The following TMEM132D variants were observed in gnomAD, a reference collection of about 807,000 sequenced individuals.
The protein encoded by TMEM132D is transmembrane protein 132D, also known as mature OL transmembrane protein.
A neutral mutation model predicts 62.3 loss-of-function variants in TMEM132D; 21 were observed. That is an observed-to-expected ratio of 0.34 (90% CI 0.24 to 0.49). The LOEUF is 0.49. Ranked by LOEUF, TMEM132D falls within the 20% of genes least tolerant of loss-of-function variation. The pLI is 0.99. For synonymous variants in TMEM132D, 621 were observed against 575.6 expected, an observed-to-expected ratio of 1.08 and a Z score of -1.13; for missense variants, 1,346 against 1,402.8, an observed-to-expected ratio of 0.96 and a Z score of 0.65.
intron 1 of TMEM132D, among the ~76,000 whole-genome samples, chr12:129,875,758 G>A (rs574616185): frequency 4.6e-5 from 7 of 152,146 alleles, no homozygotes; most frequent in East Asian, 3.9e-4. Flanking sequence ...GCCCAGCCAG[G>A]GCTTCCGATT....
intron 4 of TMEM132D, among the ~76,000 whole-genome samples, chr12:129,304,749 C>T (rs112913844): frequency 0.012 from 1,797 of 150,766 alleles, 39 homozygotes; most frequent in African/African-American, 0.042. Flanking sequence ...CTGAAATCTC[C>T]GCTTCCCAGG....
At chr12:129,573,729 T>C (rs1008376018) in intron 2 of TMEM132D, among the ~76,000 whole-genome samples, 1 of 151,940 alleles carries the variant, frequency 6.6e-6, no homozygotes, top group African/African-American at 2.4e-5. Context: ...TAAACGTTGA[T>C]GGCAAGGGCA....
At chr12:129,764,501 C>T (rs995452617) in intron 1 of TMEM132D, among the ~76,000 whole-genome samples, 3 of 152,086 alleles carry the variant, frequency 2.0e-5, no homozygotes, top group Non-Finnish European at 4.4e-5. Flanking sequence ...TTAGTAACAA[C>T]CAGTTTCTGA....
At chr12:129,160,545 C>T (rs1006397603) in intron 5 of TMEM132D, among the ~76,000 whole-genome samples, 4 of 152,192 alleles carry the variant, frequency 2.6e-5, no homozygotes, top group African/African-American at 9.7e-5. Context: ...ATGAAGGAAG[C>T]CAGAGACAAG....
chr12:129,783,596 C>T (rs375330095), intron 1 of TMEM132D, among the ~76,000 whole-genome samples: 4 of 152,104 alleles, frequency 2.6e-5, no homozygotes, highest in Admixed American at 6.5e-5. Flanking sequence ...AGACAAATGC[C>T]GCTGGGAAAA....
intron 4 of TMEM132D, among the ~76,000 whole-genome samples, chr12:129,293,360 T>C (rs949348961): frequency 2.6e-5 from 4 of 152,116 alleles, no homozygotes; most frequent in Non-Finnish European, 5.9e-5. Flanking sequence ...CAGTCAGATA[T>C]TTCCATCCCC....
At chr12:129,244,202 G>T (rs1287393973) in intron 4 of TMEM132D, among the ~76,000 whole-genome samples, 2 of 149,006 alleles carry the variant, frequency 1.3e-5, no homozygotes, top group African/African-American at 2.5e-5. Flanking sequence ...TGGCTAACGC[G>T]GTGAAACCCC....
intron 5 of TMEM132D, among the ~76,000 whole-genome samples, chr12:129,128,231 T>C (rs557912888): frequency 6.6e-6 from 1 of 152,306 alleles, no homozygotes; most frequent in East Asian, 1.9e-4. Flanking sequence ...TTTCCTTTTT[T>C]CCCAAATATT....
At chr12:129,858,865 C>T (rs1873778529) in intron 1 of TMEM132D, among the ~76,000 whole-genome samples, 1 of 129,520 alleles carries the variant, frequency 7.7e-6, no homozygotes, top group African/African-American at 3.1e-5. Flanking sequence ...GTAACAGAGT[C>T]CGGGGGAACG....
chr12:129,891,819 G>A (rs1480021921), intron 1 of TMEM132D, among the ~76,000 whole-genome samples: 3 of 152,082 alleles, frequency 2.0e-5, no homozygotes, highest in Non-Finnish European at 4.4e-5. Flanking sequence ...GTAAACACAT[G>A]AACTCGAAAA....
intron 4 of TMEM132D, among the ~76,000 whole-genome samples, chr12:129,293,680 G>T (rs148305232): frequency 2.6e-5 from 4 of 152,264 alleles, no homozygotes; most frequent in Admixed American, 6.5e-5. Flanking sequence ...CACAAGGAGC[G>T]TGCAACCTAG....
chr12:129,493,791 C>T (rs1051098594), intron 3 of TMEM132D, among the ~76,000 whole-genome samples: 1 of 152,166 alleles, frequency 6.6e-6, no homozygotes, highest in Admixed American at 6.5e-5. Context: ...AGGCAGGCTG[C>T]CTTCAGAGCA....
At chr12:129,076,614 G>A (rs1309821634) in intron 8 of TMEM132D, among the ~76,000 whole-genome samples, 1 of 152,190 alleles carries the variant, frequency 6.6e-6, no homozygotes, top group African/African-American at 2.4e-5. Context: ...AAGGCACAGT[G>A]CAAAAGCTAC....
chr12:129,458,504 G>A (rs750980685), intron 3 of TMEM132D, among the ~76,000 whole-genome samples: 15 of 151,642 alleles, frequency 9.9e-5, no homozygotes, highest in Non-Finnish European at 1.5e-4. Context: ...AGAAAAGACC[G>A]TCTCAAATGG....
At chr12:129,479,669 C>T (rs952197562) in intron 3 of TMEM132D, among the ~76,000 whole-genome samples, 8 of 152,152 alleles carry the variant, frequency 5.3e-5, no homozygotes, top group African/African-American at 1.9e-4. Context: ...AAGTAAAGCC[C>T]GTGTGAGGGT....
intron 3 of TMEM132D, among the ~76,000 whole-genome samples, chr12:129,411,530 T>A (rs775991824): frequency 1.3e-5 from 2 of 152,118 alleles, no homozygotes; most frequent in Non-Finnish European, 2.9e-5. Context: ...TTTTTAATTT[T>A]TTTTTATAGA....
rs1215084937 is a variant in TMEM132D, at chr12:129,753,556, A to G, written c.80-52858T>C. On this transcript the variant is annotated intron_variant, in intron 1 of 8. Coordinates refer to ENST00000422113, the MANE Select transcript of TMEM132D (RefSeq NM_133448.3). ...CACACTTATTCAAACAATTTAAAAT[A>G]ATTTAAAATGCTTTTCTTATCCCCT... 2.0e-5 allele frequency among the ~76,000 whole-genome samples: 3 copies of G among 152,222 alleles called. No individual in the cohort carries two copies. In the South Asian group the frequency reaches 6.2e-4, roughly 32 times the overall value.
intron 5 of TMEM132D, among the ~76,000 whole-genome samples, chr12:129,127,051 T>C (rs533490781): frequency 2.7e-4 from 41 of 152,314 alleles, no homozygotes; most frequent in African/African-American, 9.9e-4. Flanking sequence ...AAACATTTTG[T>C]GCCAAGGAAT....
intron 2 of TMEM132D, among the ~76,000 whole-genome samples, chr12:129,590,944 C>G (rs1405998647): frequency 6.6e-6 from 1 of 152,088 alleles, no homozygotes; most frequent in Non-Finnish European, 1.5e-5. Flanking sequence ...AAAAGAGAAG[C>G]TAAAAAGTCA....
Sources: allele counts gnomAD v4.1 joint callset (sites outside exome capture counted in the v4.1 genomes callset), GRCh38; gene constraint gnomAD v4.1.1; transcripts MANE v1.5; gene names NCBI Gene and HGNC (gene_info 2026-07-23, HGNC 2026-07-21).